Variants in DNAAF5 observed in about 807,000 individuals in gnomAD.
The protein encoded by DNAAF5 is HEAT repeat containing 2.
Under a neutral mutation model 75.8 loss-of-function variants are expected in DNAAF5, and 64 were observed. That is an observed-to-expected ratio of 0.84 (90% CI 0.69 to 1.04). The LOEUF (loss-of-function observed/expected upper bound fraction) is 1.04, where lower values mean the gene tolerates loss of function less well. Ranked by LOEUF, DNAAF5 falls within the 50% of genes least tolerant of loss-of-function variation. The pLI is 0.00. For synonymous variants in DNAAF5, 657 were observed against 557.2 expected, an observed-to-expected ratio of 1.18 and a Z score of -2.52; for missense variants, 1,269 against 1,178.5, an observed-to-expected ratio of 1.08 and a Z score of -1.12.
chr7:782,372 C>T (rs1041449978), intron 12 of DNAAF5, among the ~76,000 whole-genome samples: 5 of 150,690 alleles, frequency 3.3e-5, no homozygotes, highest in East Asian at 4.0e-4. Flanking sequence ...TCCCGTCACG[C>T]GGCGTCAGAA....
intron 4 of DNAAF5, among the ~76,000 whole-genome samples, chr7:745,427 TACAC>T (rs767410019): frequency 2.6e-4 from 32 of 125,420 alleles, no homozygotes; most frequent in East Asian, 6.7e-4. Flanking sequence ...CGCACACGCA[TACAC>T]ACACACACAC....
rs1325841391 is a variant in DNAAF5, at chr7:754,865, A to C, written c.1257+44A>C. On this transcript the variant is annotated intron_variant, in intron 5 of 12. Transcript: ENST00000297440. The surrounding 1 kb of genome is among the most constrained non-coding windows in gnomAD (Gnocchi z 4.8). Reference sequence around the variant, plus strand: ...GTCGTGGTCGCGGAGCTGTAACTCGAGCTTAAGATCCCGCCTCTGTGGTGT... The same window carrying C: ...GTCGTGGTCGCGGAGCTGTAACTCGCGCTTAAGATCCCGCCTCTGTGGTGT... 1.4e-6 allele frequency: 2 copies of C among 1,418,870 alleles called. No homozygotes were observed. Among genetic ancestry groups the C allele is most frequent in the African/African-American group, 1.4e-5 (1 of 71,104 alleles). 87.9% of individuals were successfully genotyped at this position (1,418,870 alleles called of 1,614,324 possible). A position where few individuals can be genotyped will look rare whatever the true frequency, so the allele number is the denominator to read the frequency against.
chr7:781,895 G>A (rs1406377125), intron 12 of DNAAF5, among the ~76,000 whole-genome samples: 1 of 152,204 alleles, frequency 6.6e-6, no homozygotes. Flanking sequence ...ATTAATCCTT[G>A]TCAGGCGGCG....
chr7:753,827 T>C (rs1313423946), intron 4 of DNAAF5, among the ~76,000 whole-genome samples: 2 of 145,614 alleles, frequency 1.4e-5, no homozygotes, highest in African/African-American at 5.2e-5. Context: ...TCTCATCATA[T>C]GGGGATGGCT....
intron 11 of DNAAF5, among the ~76,000 whole-genome samples, chr7:775,569 TATAC>T (rs1778734448): frequency 6.6e-6 from 1 of 152,190 alleles, no homozygotes; most frequent in Non-Finnish European, 1.5e-5. Context: ...TTTGTGCATT[TATAC>T]ATACAAATAC....
At chr7:727,999 C>T (rs974724600) in intron 1 of DNAAF5, among the ~76,000 whole-genome samples, 36 of 152,104 alleles carry the variant, frequency 2.4e-4, no homozygotes, top group African/African-American at 8.4e-4. Flanking sequence ...TGAGACTCTG[C>T]TCTGGTCATT....
chr7:781,413 C>G (rs1224973989), intron 12 of DNAAF5, among the ~76,000 whole-genome samples: 2 of 152,344 alleles, frequency 1.3e-5, no homozygotes, highest in Middle Eastern at 3.4e-3. Flanking sequence ...TTCCTTCTCC[C>G]TTCATCTGTC....
intron 5 of DNAAF5, among the ~76,000 whole-genome samples, chr7:755,778 G>A (rs913654265): frequency 2.6e-5 from 4 of 152,192 alleles, no homozygotes; most frequent in African/African-American, 7.2e-5. Flanking sequence ...TAAAGTAAAT[G>A]TTCCAGGTTC....
chr7:763,553 G>A (rs1782730138), intron 7 of DNAAF5, among the ~76,000 whole-genome samples: 1 of 152,210 alleles, frequency 6.6e-6, no homozygotes, highest in Non-Finnish European at 1.5e-5. Context: ...ATCCCAGTGT[G>A]CACAGTGCCT....
At chr7:784,891 T>C (rs534295099) in intron 12 of DNAAF5, among the ~76,000 whole-genome samples, 1 of 152,338 alleles carries the variant, frequency 6.6e-6, no homozygotes, top group South Asian at 2.1e-4. Context: ...TTTCAGTTCT[T>C]TGAATGCACG....
intron 4 of DNAAF5, among the ~76,000 whole-genome samples, chr7:743,350 G>A (rs547353157): frequency 3.8e-4 from 57 of 149,444 alleles, no homozygotes; most frequent in Non-Finnish European, 7.4e-4. Flanking sequence ...ACTCCAGCCT[G>A]GGTGACAGAG....
At chr7:733,809 T>C (rs529001564) in intron 2 of DNAAF5, among the ~76,000 whole-genome samples, 1 of 152,328 alleles carries the variant, frequency 6.6e-6, no homozygotes, top group African/African-American at 2.4e-5. Flanking sequence ...GTTTTCATTG[T>C]AGAGATCTTT....
chr7:727,603 T>G, intron 1 of DNAAF5: 1 of 173,802 alleles, frequency 5.8e-6, no homozygotes, highest in Non-Finnish European at 1.2e-5. Context: ...TTTCCTGCGC[T>G]GCCACGTGCT....
chr7:746,318 C>T (rs1273205532), intron 4 of DNAAF5, among the ~76,000 whole-genome samples: 2 of 141,216 alleles, frequency 1.4e-5, no homozygotes, highest in African/African-American at 5.3e-5. Flanking sequence ...CACTTTCCCC[C>T]GCCCGTCATG....
At position 785,270 on chromosome 7, in the gene DNAAF5, G is replaced by A. The variant is rs976122199; in HGVS notation, c.2432-247G>A. ...GTCATTCGTCCCCAGATTGTGAGTCGGGTCACTCGTATCCACATTGTGACT... is the reference window on the plus strand; with the variant it reads ...GTCATTCGTCCCCAGATTGTGAGTCAGGTCACTCGTATCCACATTGTGACT... On this transcript the variant is annotated intron_variant, in intron 12 of 12. Transcript: ENST00000297440. Among the ~76,000 whole-genome samples, 5 of 146,810 alleles carry A rather than the reference G, an allele frequency of 3.4e-5. No homozygotes were observed. In the South Asian group the frequency reaches 6.8e-4, roughly 20 times the overall value.
intron 9 of DNAAF5, among the ~76,000 whole-genome samples, chr7:773,463 A>G (rs542063794): frequency 6.6e-6 from 1 of 151,858 alleles, no homozygotes; most frequent in Non-Finnish European, 1.5e-5. Flanking sequence ...CTTTGACCTG[A>G]CTGGTCACCA....
chr7:761,482 G>A (rs184011160), intron 6 of DNAAF5, among the ~76,000 whole-genome samples: 6 of 152,384 alleles, frequency 3.9e-5, no homozygotes, highest in African/African-American at 1.4e-4. Context: ...CACCATCATG[G>A]TGGAAGGCAA....
chr7:781,593 CTG>C (rs1778944155), intron 12 of DNAAF5, among the ~76,000 whole-genome samples: 1 of 140,110 alleles, frequency 7.1e-6, no homozygotes, highest in Non-Finnish European at 1.6e-5. Context: ...GACCTCCAGA[CTG>C]TTCTCCCAGC....
chr7:762,479 G>A (rs1782690802), intron 7 of DNAAF5, among the ~76,000 whole-genome samples: 2 of 146,024 alleles, frequency 1.4e-5, no homozygotes, highest in African/African-American at 2.5e-5. Context: ...GCAACAGAGC[G>A]AGACTCCGTC....
Sources: gnomAD v4.1 joint callset for allele counts (sites outside exome capture counted in the v4.1 genomes callset) on GRCh38, gnomAD v4.1.1 for gene constraint, Gnocchi (gnomAD v3.1) non-coding constraint, MANE v1.5 for transcripts, NCBI Gene and HGNC (gene_info 2026-07-23, HGNC 2026-07-21) for gene names.